Variants in GYG1 observed in about 807,000 individuals in gnomAD.
GYG1 encodes the protein glycogenin-1.
In GYG1, 44 loss-of-function variants were observed where a neutral mutation model predicts 41.9. The ratio of observed to expected loss-of-function variants is 1.05; its 90% confidence interval spans 0.83 to 1.35. The LOEUF (loss-of-function observed/expected upper bound fraction) is 1.35. Ranked by LOEUF, GYG1 falls within the 40% of genes most tolerant of loss-of-function variation. The pLI is 0.00. For missense variants in GYG1, 429 were observed against 418.9 expected (o/e 1.02, Z -0.21); for synonymous variants, 141 against 158.1 (o/e 0.89, Z 0.81).
chr3:149,006,730 C>T (rs931458188), intron 4 of GYG1, among the ~76,000 whole-genome samples: 11 of 152,182 alleles, frequency 7.2e-5, no homozygotes, highest in African/African-American at 2.6e-4. Context: ...CCCATGGAAC[C>T]GATTGGCAGT....
At chr3:148,991,933 G>T (rs1184579965) in intron 1 of GYG1, among the ~76,000 whole-genome samples, 1 of 152,160 alleles carries the variant, frequency 6.6e-6, no homozygotes, top group Non-Finnish European at 1.5e-5. Flanking sequence ...ACGGCGAAGG[G>T]CCGGCGGGCG....
At chr3:149,023,332 G>C (rs1369877596) in intron 5 of GYG1, among the ~76,000 whole-genome samples, 3 of 152,200 alleles carry the variant, frequency 2.0e-5, no homozygotes, top group African/African-American at 7.2e-5. Flanking sequence ...ATGTATACTT[G>C]CTGAGCAGAA....
In GYG1 at chr3:149,027,031, A is replaced by G; in HGVS notation, c.*98A>G. 3 of 1,302,536 alleles carry G rather than the reference A, an allele frequency of 2.3e-6. No homozygotes were observed. The highest frequency in any genetic ancestry group is 3.3e-6 in the Non-Finnish European group (3 of 900,772). 80.7% of individuals were successfully genotyped at this position (1,302,536 alleles called of 1,614,324 possible). A position where few individuals can be genotyped will look rare whatever the true frequency, so the allele number is the denominator to read the frequency against. ...TTGAGAAAAGTCTGTTACAGTTGCT[A>G]GAGGTTTTCATTAAAACTTATCAGA... On this transcript the variant is annotated 3_prime_UTR_variant, in exon 8 of 8. Coordinates refer to ENST00000345003, the MANE Select transcript of GYG1 (RefSeq NM_004130.4).
At chr3:149,001,788 T>G (rs1308492461) in intron 4 of GYG1, among the ~76,000 whole-genome samples, 1 of 151,810 alleles carries the variant, frequency 6.6e-6, no homozygotes, top group East Asian at 1.9e-4. Flanking sequence ...TGGGTGGTGG[T>G]GGTGGGTGGT....
intron 5 of GYG1, among the ~76,000 whole-genome samples, chr3:149,019,214 T>G (rs182187810): frequency 2.6e-5 from 4 of 152,314 alleles, no homozygotes; most frequent in Admixed American, 1.3e-4. Context: ...AGAATCTTTC[T>G]TACCTCCTCG....
At chr3:149,024,316 T>A in intron 6 of GYG1, 44 bp downstream of exon 6, 1 of 1,176,990 alleles carries the variant, frequency 8.5e-7, no homozygotes, top group Non-Finnish European at 1.3e-6. Flanking sequence ...TGCTGCTTTT[T>A]AAAAAAATTG....
intron 6 of GYG1, among the ~76,000 whole-genome samples, chr3:149,025,827 T>C (rs1219235284): frequency 6.6e-6 from 1 of 152,148 alleles, no homozygotes; most frequent in Admixed American, 6.5e-5. Context: ...AAGGGAGAGT[T>C]ACACTTTAAA....
intron 1 of GYG1, among the ~76,000 whole-genome samples, chr3:148,993,811 A>G (rs1712630880): frequency 6.6e-6 from 1 of 152,200 alleles, no homozygotes; most frequent in Admixed American, 6.5e-5. Flanking sequence ...CAAATGTACT[A>G]CTTGATCTCT....
At chr3:148,995,656 G>A (rs1712744649) in intron 2 of GYG1, among the ~76,000 whole-genome samples, 1 of 152,186 alleles carries the variant, frequency 6.6e-6, no homozygotes, top group Admixed American at 6.5e-5. Flanking sequence ...TGTGTGAACT[G>A]TACCATATTT....
At chr3:149,026,668 T>TCA in intron 7 of GYG1, 92 bp from the exon 8 acceptor site, 1 of 1,098,928 alleles carries the variant, frequency 9.1e-7, no homozygotes. Context: ...TGCATGATGA[T>TCA]TCATCCTGGC....
chr3:149,022,290 A>C (rs1714412077), intron 5 of GYG1, among the ~76,000 whole-genome samples: 1 of 152,156 alleles, frequency 6.6e-6, no homozygotes, highest in Non-Finnish European at 1.5e-5. Context: ...GAAATGGAGC[A>C]TATGTACAAA....
intron 4 of GYG1, chr3:149,004,145 C>T (rs921699795): frequency 6.6e-6 from 1 of 152,228 alleles, no homozygotes; most frequent in African/African-American, 2.4e-5. Flanking sequence ...CGATGTGCCC[C>T]TTGTTCCATT....
intron 5 of GYG1, among the ~76,000 whole-genome samples, chr3:149,020,732 C>G (rs932097076): frequency 2.0e-5 from 3 of 152,164 alleles, no homozygotes; most frequent in African/African-American, 7.2e-5. Context: ...CATGTTATGA[C>G]TATGTATGAC....
chr3:149,021,170 G>C (rs1714354729), intron 5 of GYG1, among the ~76,000 whole-genome samples: 1 of 152,166 alleles, frequency 6.6e-6, no homozygotes, highest in South Asian at 2.1e-4. Context: ...TGCCCTGATA[G>C]CCCCAACTTG....
At chr3:148,998,229 T>C (rs1003931842) in intron 4 of GYG1, among the ~76,000 whole-genome samples, 1 of 152,200 alleles carries the variant, frequency 6.6e-6, no homozygotes, top group Non-Finnish European at 1.5e-5. Context: ...TGAAATGTAA[T>C]TGAAAATAAT....
At chr3:149,022,476 A>T (rs1459729243) in intron 5 of GYG1, among the ~76,000 whole-genome samples, 1 of 115,468 alleles carries the variant, frequency 8.7e-6, no homozygotes, top group Non-Finnish European at 1.8e-5. Context: ...ATCTTTAAAC[A>T]GTACCTTTTT....
In GYG1 at chr3:149,026,812, T is replaced by C. The variant is rs1389114020; in HGVS notation, c.932T>C (p.Met311Thr). ...CTGTCCCTTGGGGAGATCCCAGCTA[T>C]GGCACAGCCGTTTGTATCCTCGGAA... ...SHLSLGEIPA[M>T]AQPFVSSEER... The change falls in exon 8 of 8, where the codon ATG (methionine) becomes ACG (threonine). Residue 311 changes from methionine (M) to threonine (T), a missense_variant. By Grantham distance (81) the Met-to-Thr change is moderately conservative (BLOSUM62 -1). Coordinates refer to ENST00000345003, the MANE Select transcript of GYG1 (RefSeq NM_004130.4). 1 of 1,613,978 alleles carries C rather than the reference T, an allele frequency of 6.2e-7. No individual in the cohort carries two copies. Among genetic ancestry groups the C allele is most frequent in the South Asian group, 1.1e-5 (1 of 91,082 alleles).
At chr3:148,994,083 G>GAA in intron 1 of GYG1, 59 bp from the exon 2 acceptor site, 2 of 1,510,108 alleles carry the variant, frequency 1.3e-6, no homozygotes, top group Admixed American at 3.4e-5. Flanking sequence ...GGTTCCTGGG[G>GAA]AAAAGGCTTT....
intron 5 of GYG1, 115 bp from the exon 6 acceptor site, chr3:149,023,938 A>AGT (rs1714504647): frequency 1.3e-6 from 1 of 765,356 alleles, no homozygotes; most frequent in African/African-American, 1.7e-5. Flanking sequence ...TGGGTGACAG[A>AGT]GTGAGACACT....
Sources: gnomAD v4.1 joint callset for allele counts (sites outside exome capture counted in the v4.1 genomes callset) on GRCh38, gnomAD v4.1.1 for gene constraint, MANE v1.5 for transcripts, NCBI Gene and HGNC (gene_info 2026-07-23, HGNC 2026-07-21) for gene names.